Variants in TNS3 observed in about 807,000 individuals in gnomAD.
TNS3 encodes tensin-3.
Under a neutral mutation model 140.9 loss-of-function variants are expected in TNS3, and 45 were observed. The observed-to-expected ratio is 0.32, with a 90% CI of 0.25 to 0.41. The LOEUF is 0.41. TNS3 is among the 10% of genes least tolerant of loss of function. The pLI is 1.00. For missense variants in TNS3, 1,716 were observed against 1,906.7 expected, an observed-to-expected ratio of 0.90 and a Z score of 1.86; for synonymous variants, 815 against 788.4, an observed-to-expected ratio of 1.03 and a Z score of -0.56.
Position 47,566,342 on chromosome 7 carries a change from C to G in TNS3, c.-265+15709G>C, listed in dbSNP as rs573472259. ...CACGTTTCCACTGCAGTTACAATAG[C>G]GTGCTGCCCAAAGGTACTCAGGGTG... is the stretch of plus-strand genomic sequence containing the variant. On this transcript the variant is annotated intron_variant, in intron 1 of 30. Coordinates refer to ENST00000311160, the MANE Select transcript of TNS3 (RefSeq NM_022748.12). 3.3e-5 allele frequency among the ~76,000 whole-genome samples: 5 copies of G among 152,304 alleles called. No homozygotes were observed. In the East Asian group the frequency reaches 9.7e-4, roughly 29 times the overall value.
chr7:47,529,473 T>C (rs778122369), intron 1 of TNS3, among the ~76,000 whole-genome samples: 19 of 152,252 alleles, frequency 1.2e-4, no homozygotes, highest in Admixed American at 5.9e-4. Context: ...ACTTCAGCCG[T>C]AGAGCCACCT....
chr7:47,280,441 T>C lies in TNS3; in HGVS notation c.4098-87A>G, dbSNP rs757693678. ...TGCACTGGGCGGGCTCTCCCATACA[T>C]GAAGATTCTTCCAGCAGAAAACATT... On this transcript the variant is annotated intron_variant, in intron 28 of 30. Coordinates refer to ENST00000311160, the MANE Select transcript of TNS3 (RefSeq NM_022748.12). 1.0e-5 allele frequency: 12 copies of C among 1,166,212 alleles called. No homozygotes were observed. The African/African-American group carries it at 1.2e-4, about 12-fold the overall frequency. 72.2% of individuals were successfully genotyped at this position (1,166,212 alleles called of 1,614,324 possible).
At chr7:47,367,696 C>T (rs1190416035) in intron 17 of TNS3, among the ~76,000 whole-genome samples, 2 of 152,200 alleles carry the variant, frequency 1.3e-5, no homozygotes, top group Non-Finnish European at 2.9e-5. Context: ...GTCCCCTCAC[C>T]CCTGGGCCTG....
At chr7:47,428,544 C>T (rs980722213) in intron 8 of TNS3, among the ~76,000 whole-genome samples, 168 bp from the exon 9 acceptor site, 2 of 152,192 alleles carry the variant, frequency 1.3e-5, no homozygotes, top group Non-Finnish European at 2.9e-5. Flanking sequence ...CCCAGTGCAA[C>T]TGGAGTCTCT....
In TNS3 at chr7:47,407,563, G is replaced by A. The variant is rs1273885869; in HGVS notation, c.723+4164C>T. On this transcript the variant is annotated intron_variant, in intron 13 of 30. Coordinates refer to ENST00000311160, the MANE Select transcript of TNS3 (RefSeq NM_022748.12). The surrounding 1 kb of genome is among the most constrained non-coding windows in gnomAD (Gnocchi z 4.1). ...CTAGTAATCTTACTAAACTTTCTAG[G>A]AGAGGTTTATTTAATAAACAGACTT... Among the ~76,000 whole-genome samples, 1 of 152,214 alleles carries A rather than the reference G, an allele frequency of 6.6e-6. No homozygotes were observed. The highest frequency in any genetic ancestry group is 1.5e-5 in the Non-Finnish European group (1 of 68,042).
intron 24 of TNS3, among the ~76,000 whole-genome samples, chr7:47,296,482 T>C (rs1786032289): frequency 6.6e-6 from 1 of 152,196 alleles, no homozygotes; most frequent in African/African-American, 2.4e-5. Context: ...ATAGAAATCC[T>C]TCTATTACAG....
chr7:47,340,401 G>A (rs1047789211), intron 20 of TNS3, among the ~76,000 whole-genome samples: 1 of 151,514 alleles, frequency 6.6e-6, no homozygotes, highest in Non-Finnish European at 1.5e-5. Flanking sequence ...GATTACAGGC[G>A]TGAGCTACTC....
intron 17 of TNS3, among the ~76,000 whole-genome samples, chr7:47,356,163 C>T (rs1268239528): frequency 6.6e-6 from 1 of 152,208 alleles, no homozygotes; most frequent in East Asian, 1.9e-4. Context: ...GCCAGCTCTC[C>T]TGGAGGCTGG....
intron 1 of TNS3, among the ~76,000 whole-genome samples, chr7:47,554,958 G>T (rs1800157194): frequency 6.6e-6 from 1 of 151,800 alleles, no homozygotes; most frequent in Admixed American, 6.6e-5. Context: ...AACCCGGGAG[G>T]CAGAGGTTGC....
intron 20 of TNS3, among the ~76,000 whole-genome samples, chr7:47,334,524 T>C (rs893230403): frequency 2.0e-5 from 3 of 151,954 alleles, no homozygotes; most frequent in Non-Finnish European, 4.4e-5. Flanking sequence ...CACCTTCAAA[T>C]AGATGCTTTT....
chr7:47,368,248 A>G (rs772998001), intron 17 of TNS3, 117 bp downstream of exon 17: 4 of 1,078,898 alleles, frequency 3.7e-6, no homozygotes, highest in Non-Finnish European at 5.0e-6. Flanking sequence ...CTGCAAGGGA[A>G]ATGTCCCTCC....
chr7:47,537,952 C>G (rs1033236267), intron 1 of TNS3, among the ~76,000 whole-genome samples: 6 of 149,656 alleles, frequency 4.0e-5, no homozygotes, highest in Admixed American at 2.0e-4. Flanking sequence ...CCCAGCCTAT[C>G]CCTCCCTCAC....
At chr7:47,296,766 G>A (rs1786047047) in intron 24 of TNS3, among the ~76,000 whole-genome samples, 1 of 152,248 alleles carries the variant, frequency 6.6e-6, no homozygotes. Flanking sequence ...GTTGCCCAAG[G>A]GAGGTGACAG....
At chr7:47,523,397 AAG>A (rs1381404562) in intron 2 of TNS3, among the ~76,000 whole-genome samples, 9 of 152,292 alleles carry the variant, frequency 5.9e-5, no homozygotes, top group African/African-American at 2.2e-4. Context: ...ATGCCACAGA[AAG>A]AAGAAGACAG....
At chr7:47,558,693 G>T (rs917053220) in intron 1 of TNS3, among the ~76,000 whole-genome samples, 10 of 152,026 alleles carry the variant, frequency 6.6e-5, no homozygotes, top group African/African-American at 2.2e-4. Context: ...AGAGGACAAG[G>T]CCCACTGCCT....
chr7:47,560,145 C>T (rs774966194), intron 1 of TNS3, among the ~76,000 whole-genome samples: 2 of 151,792 alleles, frequency 1.3e-5, no homozygotes, highest in Non-Finnish European at 2.9e-5. Context: ...ATGTTGAAGA[C>T]CTGAACCCCA....
At chr7:47,513,910 C>T (rs750442109) in intron 2 of TNS3, among the ~76,000 whole-genome samples, 1 of 152,220 alleles carries the variant, frequency 6.6e-6, no homozygotes, top group East Asian at 1.9e-4. Context: ...TCCTGGCTCC[C>T]GCTGCAGCAG....
At chr7:47,447,883 T>C (rs2151614944) in intron 4 of TNS3, among the ~76,000 whole-genome samples, 1 of 152,352 alleles carries the variant, frequency 6.6e-6, no homozygotes, top group Admixed American at 6.5e-5. Flanking sequence ...AACTGCGGCT[T>C]CTTGCTCAGG....
At chr7:47,487,716 G>C (rs1197846060) in intron 3 of TNS3, among the ~76,000 whole-genome samples, 1 of 151,810 alleles carries the variant, frequency 6.6e-6, no homozygotes, top group Non-Finnish European at 1.5e-5. Context: ...GCCAAGTACA[G>C]AGACATCACC....
Sources: allele counts gnomAD v4.1 joint callset (sites outside exome capture counted in the v4.1 genomes callset), GRCh38; gene constraint gnomAD v4.1.1; non-coding constraint Gnocchi (gnomAD v3.1); transcripts MANE v1.5; gene names NCBI Gene and HGNC (gene_info 2026-07-23, HGNC 2026-07-21).